Variants in AUTS2 observed in about 807,000 individuals in gnomAD.
AUTS2 encodes activator of transcription and developmental regulator AUTS2.
Under a neutral mutation model 112.4 loss-of-function variants are expected in AUTS2, and 17 were observed. That is an observed-to-expected ratio of 0.15 (90% CI 0.10 to 0.23). The LOEUF is 0.23. Among genes scored for constraint, AUTS2 ranks in the 10% least tolerant of loss-of-function variants. The pLI is 1.00. For synonymous variants in AUTS2, 751 were observed against 702.7 expected, an observed-to-expected ratio of 1.07 and a Z score of -1.09; for missense variants, 1,510 against 1,701.6, an observed-to-expected ratio of 0.89 and a Z score of 1.98.
At chr7:69,947,563 A>G (rs1330074484) in intron 2 of AUTS2, among the ~76,000 whole-genome samples, 2 of 152,190 alleles carry the variant, frequency 1.3e-5, no homozygotes, top group Admixed American at 1.3e-4. Flanking sequence ...CTTATTTTAG[A>G]TACTGTAATA....
intron 1 of AUTS2, among the ~76,000 whole-genome samples, chr7:69,864,680 T>G (rs893090960): frequency 6.6e-6 from 1 of 152,206 alleles, no homozygotes; most frequent in Non-Finnish European, 1.5e-5. Flanking sequence ...ACATACTTTA[T>G]TTAAAATATT....
intron 1 of AUTS2, among the ~76,000 whole-genome samples, chr7:69,640,366 G>A (rs982040428): frequency 2.6e-5 from 4 of 152,178 alleles, no homozygotes; most frequent in African/African-American, 9.7e-5. Flanking sequence ...GAGTGCAGGG[G>A]CTTTGTCTCT....
intron 5 of AUTS2, among the ~76,000 whole-genome samples, chr7:70,633,628 AAG>A (rs1491182645): frequency 6.6e-6 from 1 of 151,392 alleles, no homozygotes; most frequent in Non-Finnish European, 1.5e-5. Context: ...AAAAAAAAAA[AAG>A]GACAGAACAC....
At chr7:69,919,056 A>G (rs1285246787) in intron 2 of AUTS2, among the ~76,000 whole-genome samples, 1 of 152,186 alleles carries the variant, frequency 6.6e-6, no homozygotes, top group Non-Finnish European at 1.5e-5. Context: ...AAATTCTTGT[A>G]GCTTGGGTCA....
At chr7:70,510,280 A>C (rs1370257447) in intron 5 of AUTS2, among the ~76,000 whole-genome samples, 1 of 152,192 alleles carries the variant, frequency 6.6e-6, no homozygotes, top group Non-Finnish European at 1.5e-5. Flanking sequence ...TAGGCACTAC[A>C]ATTCTTTACT....
intron 4 of AUTS2, among the ~76,000 whole-genome samples, chr7:70,288,463 T>C (rs1788565322): frequency 6.6e-6 from 1 of 152,214 alleles, no homozygotes; most frequent in Non-Finnish European, 1.5e-5. Flanking sequence ...ATACTTGAAG[T>C]CATCAGATTA....
At chr7:70,698,003 T>G (rs1235443186) in intron 5 of AUTS2, among the ~76,000 whole-genome samples, 2 of 152,280 alleles carry the variant, frequency 1.3e-5, no homozygotes, top group Non-Finnish European at 1.5e-5. Flanking sequence ...GGTCGGATTT[T>G]GGGGCAGGCC....
intron 2 of AUTS2, among the ~76,000 whole-genome samples, chr7:70,020,580 G>C (rs145723328): frequency 6.6e-6 from 1 of 152,242 alleles, no homozygotes; most frequent in East Asian, 1.9e-4. Context: ...ATTCATAGGG[G>C]TGGTTCCCTA....
intron 2 of AUTS2, among the ~76,000 whole-genome samples, chr7:70,055,356 C>T (rs1279865459): frequency 6.6e-6 from 1 of 152,142 alleles, no homozygotes; most frequent in African/African-American, 2.4e-5. Context: ...AGCGCTTGAA[C>T]CCAGGAGGCG....
At chr7:69,830,628 T>A (rs902689814) in intron 1 of AUTS2, among the ~76,000 whole-genome samples, 1 of 152,218 alleles carries the variant, frequency 6.6e-6, no homozygotes, top group Non-Finnish European at 1.5e-5. Flanking sequence ...TCATTATAAC[T>A]GAGGAAGCGT....
At chr7:70,404,227 A>T (rs922825051) in intron 4 of AUTS2, among the ~76,000 whole-genome samples, 1 of 152,126 alleles carries the variant, frequency 6.6e-6, no homozygotes, top group Non-Finnish European at 1.5e-5. Flanking sequence ...TAAGAGATCT[A>T]TCTGGGACTT....
chr7:70,357,436 A>G (rs1685919527), intron 4 of AUTS2, among the ~76,000 whole-genome samples: 1 of 152,192 alleles, frequency 6.6e-6, no homozygotes, highest in Admixed American at 6.5e-5. Context: ...TCTGGGTCCC[A>G]TCTTCCCATC....
intron 5 of AUTS2, among the ~76,000 whole-genome samples, chr7:70,558,358 C>G (rs1801337332): frequency 6.6e-6 from 1 of 152,164 alleles, no homozygotes; most frequent in South Asian, 2.1e-4. Context: ...CCCAGCTCTT[C>G]TCTCTCTCTG....
chr7:70,755,788 C>T (rs7805341), intron 6 of AUTS2, among the ~76,000 whole-genome samples: 53,734 of 151,878 alleles, frequency 0.35, 11,585 homozygotes, highest in Non-Finnish European at 0.49. Context: ...TAAAATATAG[C>T]ATCTCTTTTT....
intron 4 of AUTS2, among the ~76,000 whole-genome samples, chr7:70,173,360 CAAAA>C (rs770800747): frequency 1.1e-5 from 1 of 88,556 alleles, no homozygotes; most frequent in African/African-American, 4.4e-5. Context: ...GACCCCGTCT[CAAAA>C]AAAAAAAAAA....
chr7:69,802,171 C>A (rs565548966), intron 1 of AUTS2, among the ~76,000 whole-genome samples: 1 of 152,194 alleles, frequency 6.6e-6, no homozygotes, highest in Non-Finnish European at 1.5e-5. Context: ...GTTTCCCTGA[C>A]TAAATCTTAG....
intron 6 of AUTS2, among the ~76,000 whole-genome samples, chr7:70,754,839 A>C (rs532730574): frequency 1.1e-4 from 16 of 151,576 alleles, no homozygotes; most frequent in African/African-American, 3.9e-4. Flanking sequence ...TCTAGGAGCT[A>C]GTGCCCCCCA....
intron 4 of AUTS2, among the ~76,000 whole-genome samples, chr7:70,139,861 C>T (rs1806764299): frequency 6.6e-6 from 1 of 151,918 alleles, no homozygotes; most frequent in Admixed American, 6.6e-5. Flanking sequence ...ATTAACTGGG[C>T]GTGGTGGCAT....
intron 5 of AUTS2, among the ~76,000 whole-genome samples, chr7:70,500,950 T>G (rs1798749839): frequency 6.6e-6 from 1 of 152,086 alleles, no homozygotes; most frequent in African/African-American, 2.4e-5. Flanking sequence ...CTCGAACTCC[T>G]GACCTCAGGT....
Sources: allele counts gnomAD v4.1 joint callset (sites outside exome capture counted in the v4.1 genomes callset), GRCh38; gene constraint gnomAD v4.1.1; transcripts MANE v1.5; gene names NCBI Gene and HGNC (gene_info 2026-07-23, HGNC 2026-07-21).